DYM: variants seen among roughly 807,000 people sequenced by gnomAD.
The protein encoded by DYM is dymeclin, also known as dyggve-Melchior-Clausen syndrome protein.
DYM carries 78 observed loss-of-function variants against 93.1 expected under a neutral mutation model. The ratio of observed to expected loss-of-function variants is 0.84; its 90% CI spans 0.70 to 1.01. The LOEUF is 1.01. Ranked by LOEUF, DYM falls within the 50% of genes least tolerant of loss-of-function variation. The probability of loss-of-function intolerance (pLI) is 0.00; values close to 1 mark genes in which losing one functional copy is unlikely to be tolerated. For missense variants in DYM, 789 were observed against 845.0 expected (o/e 0.93, Z 0.82); for synonymous variants, 321 against 319.7 (o/e 1.00, Z -0.04).
intron 6 of DYM, among the ~76,000 whole-genome samples, chr18:49,341,007 G>C (rs2064075675): frequency 6.6e-6 from 1 of 152,192 alleles, no homozygotes; most frequent in African/African-American, 2.4e-5. Context: ...CACAGATTCT[G>C]TATTTGTAAA....
intron 5 of DYM, among the ~76,000 whole-genome samples, chr18:49,365,165 A>C (rs1347942601): frequency 6.6e-6 from 1 of 152,184 alleles, no homozygotes; most frequent in African/African-American, 2.4e-5. Context: ...CTCAAAAAAA[A>C]AAAGTTTAGC....
intron 14 of DYM, among the ~76,000 whole-genome samples, chr18:49,183,220 GCAC>G (rs2090095630): frequency 1.1e-5 from 1 of 91,682 alleles, no homozygotes; most frequent in African/African-American, 3.0e-5. Context: ...TATTTTATTT[GCAC>G]AACTAGTCTC....
intron 15 of DYM, among the ~76,000 whole-genome samples, chr18:49,141,028 G>A (rs1256316625): frequency 6.6e-6 from 1 of 152,138 alleles, no homozygotes; most frequent in Non-Finnish European, 1.5e-5. Context: ...ACGCTCTTGT[G>A]GTTTTTCTGA....
intron 3 of DYM, among the ~76,000 whole-genome samples, chr18:49,383,557 G>T (rs1047678949): frequency 2.0e-5 from 3 of 152,180 alleles, no homozygotes; most frequent in African/African-American, 7.2e-5. Flanking sequence ...GATTCAACAA[G>T]CATCTATAGG....
At chr18:49,317,627 C>CTCCTATCCTATCCTCT (rs573051080) in intron 8 of DYM, among the ~76,000 whole-genome samples, 3 of 24,402 alleles carry the variant, frequency 1.2e-4, no homozygotes, top group Non-Finnish European at 1.6e-4. Flanking sequence ...CTCCCTCCCT[C>CTCCTATCCTATCCTCT]CCTCTCCTAT....
intron 17 of DYM, among the ~76,000 whole-genome samples, chr18:49,046,531 C>A (rs1360083277): frequency 1.3e-5 from 2 of 150,384 alleles, no homozygotes; most frequent in South Asian, 2.1e-4. Flanking sequence ...ACACACACAC[C>A]AGACACACAG....
chr18:49,149,658 T>C (rs951723033), intron 15 of DYM, among the ~76,000 whole-genome samples: 1 of 151,832 alleles, frequency 6.6e-6, no homozygotes. Flanking sequence ...CACTAAATAT[T>C]TGTTGGATGA....
chr18:49,285,978 G>A (rs2059638590), intron 9 of DYM, among the ~76,000 whole-genome samples: 1 of 152,166 alleles, frequency 6.6e-6, no homozygotes, highest in South Asian at 2.1e-4. Flanking sequence ...ACAGACTGCA[G>A]GAGAGACCAT....
At chr18:49,154,750 G>A (rs533249684) in intron 15 of DYM, among the ~76,000 whole-genome samples, 3 of 151,878 alleles carry the variant, frequency 2.0e-5, no homozygotes, top group African/African-American at 7.2e-5. Context: ...GAGGAATGGA[G>A]GGAAAGCAAG....
chr18:49,227,488 A>G (rs2093573036), intron 13 of DYM, among the ~76,000 whole-genome samples: 1 of 152,166 alleles, frequency 6.6e-6, no homozygotes, highest in Non-Finnish European at 1.5e-5. Context: ...AAATTATGCC[A>G]TTAAGTCATT....
intron 2 of DYM, among the ~76,000 whole-genome samples, chr18:49,408,401 A>G (rs979074847): frequency 6.6e-6 from 1 of 152,196 alleles, no homozygotes; most frequent in African/African-American, 2.4e-5. Context: ...CTCCACATAT[A>G]TTTCTGAACT....
At chr18:49,441,039 TA>T (rs1468198818) in intron 1 of DYM, among the ~76,000 whole-genome samples, 2 of 7,888 alleles carry the variant, frequency 2.5e-4, no homozygotes, top group South Asian at 5.8e-3. Flanking sequence ...ATATAATATA[TA>T]AATATATAAT....
At chr18:49,305,170 C>A (rs1404774318) in intron 8 of DYM, among the ~76,000 whole-genome samples, 1 of 152,188 alleles carries the variant, frequency 6.6e-6, no homozygotes, top group African/African-American at 2.4e-5. Context: ...AAATCACTTT[C>A]TTGCTGATGC....
rs532136170 is a variant in DYM, at chr18:49,440,305, C to T, written c.-53-9858G>A. 1.7e-3 allele frequency among the ~76,000 whole-genome samples: 234 copies of T among 135,898 alleles called. 16 individuals are homozygous for T. The highest frequency in any genetic ancestry group is 2.1e-3 in the Non-Finnish European group (138 of 64,738). 89.2% of individuals were successfully genotyped at this position (135,898 alleles called of 152,430 possible). On this transcript the variant is annotated intron_variant, in intron 1 of 17. Transcript: ENST00000675505. Reference sequence around the variant, plus strand: ...CAAATTCTACACTCTATTCCAGAATCGCTTTCCTCCTAAATATACATATAC... The same window carrying T: ...CAAATTCTACACTCTATTCCAGAATTGCTTTCCTCCTAAATATACATATAC...
intron 17 of DYM, among the ~76,000 whole-genome samples, chr18:49,064,273 G>C (rs2076222839): frequency 6.6e-6 from 1 of 152,162 alleles, no homozygotes; most frequent in South Asian, 2.1e-4. Context: ...TAAATTTTCT[G>C]ATTTCAAAAT....
In DYM at chr18:49,040,740, A is replaced by G. The variant is rs960954650; in HGVS notation, c.*3315T>C. Among the ~76,000 whole-genome samples the G allele has an allele frequency of 1.3e-5, 2 of 152,254 alleles. No individual in the cohort carries two copies. The highest frequency in any genetic ancestry group is 4.8e-5 in the African/African-American group (2 of 41,466). ...GACTCCAGCCTATGAAGTATCAGCA[A>G]GTGCCAAAAATTTATGGCTCTGCAA... On this transcript the variant is annotated 3_prime_UTR_variant, in exon 18 of 18. Coordinates refer to ENST00000675505, the MANE Select transcript of DYM (RefSeq NM_001353214.3).
intron 10 of DYM, among the ~76,000 whole-genome samples, chr18:49,277,074 G>A (rs2094861959): frequency 6.6e-6 from 1 of 152,158 alleles, no homozygotes; most frequent in African/African-American, 2.4e-5. Context: ...GAATACAGGA[G>A]TAAGAGAAGG....
chr18:49,381,905 CT>C (rs1188966042), intron 3 of DYM, among the ~76,000 whole-genome samples: 1 of 143,922 alleles, frequency 6.9e-6, no homozygotes, highest in Non-Finnish European at 1.5e-5. Context: ...TCAGGGTAAA[CT>C]TTTTAAGAAA....
At chr18:49,405,142 ATTAGATG>A (rs1171716099) in intron 2 of DYM, among the ~76,000 whole-genome samples, 1 of 151,982 alleles carries the variant, frequency 6.6e-6, no homozygotes, top group African/African-American at 2.4e-5. Flanking sequence ...GATTCTGGAT[ATTAGATG>A]TTTGCTGAAT....
Sources: allele counts gnomAD v4.1 joint callset (sites outside exome capture counted in the v4.1 genomes callset), GRCh38; gene constraint gnomAD v4.1.1; transcripts MANE v1.5; gene names NCBI Gene and HGNC (gene_info 2026-07-23, HGNC 2026-07-21).